Variants in HOOK2 observed in about 807,000 individuals in gnomAD.
HOOK2 encodes the protein hook microtubule tethering protein 2, also known as protein Hook homolog 2.
A neutral mutation model predicts 111.9 loss-of-function variants in HOOK2; 108 were observed. That is an observed-to-expected ratio of 0.96 (90% confidence interval 0.83 to 1.13). The LOEUF is 1.13. HOOK2 is among the 50% of genes most tolerant of loss of function. The pLI is 0.00. For synonymous variants in HOOK2, 405 were observed against 394.3 expected (o/e 1.03, Z -0.32); for missense variants, 978 against 951.3 (o/e 1.03, Z -0.37).
chr19:12,772,260 G>A lies in HOOK2; in HGVS notation c.457-8C>T, dbSNP rs1415529422. 8 of 1,613,640 alleles carry A rather than the reference G, an allele frequency of 5.0e-6. No homozygotes were observed. The Admixed American group carries it at 1.2e-4, about 24-fold the overall frequency. ...AGTGTCTTTGGTCATGAGCTGAGGA[G>A]TGGGAAGGGGCATTGTAATGAACTG... On this transcript the variant is annotated splice_region_variant and splice_polypyrimidine_tract_variant and intron_variant, in intron 6 of 22. Coordinates refer to ENST00000397668, the MANE Select transcript of HOOK2 (RefSeq NM_013312.3).
chr19:12,780,470 C>A (rs577899163), upstream of HOOK2, among the ~76,000 whole-genome samples: 1 of 151,396 alleles, frequency 6.6e-6, no homozygotes, highest in Admixed American at 6.6e-5. Context: ...CATTCTCCTG[C>A]CTCAGCCTCC....
Position 12,787,963 on chromosome 19 carries a change from G to A in HOOK2, n.42-13738C>T, listed in dbSNP as rs545834336. On this transcript the variant is annotated intron_variant and non_coding_transcript_variant, in intron 3 of 3. Coordinates refer to the HOOK2 transcript ENST00000589765. ...CCAGCTACTCAGGAGGCTGAGGCAG[G>A]AGAATCGCTTGAACCCAGGAGGCGG... Among the ~76,000 whole-genome samples the A allele has an allele frequency of 2.0e-5, 3 of 152,008 alleles. No homozygotes were observed. The East Asian group carries it at 5.8e-4, about 30-fold the overall frequency.
intron 14 of HOOK2, 135 bp from the exon 15 acceptor site, chr19:12,766,375 G>A (rs1599476769): frequency 4.5e-6 from 5 of 1,122,768 alleles, no homozygotes; most frequent in East Asian, 2.7e-5. Flanking sequence ...TTGGAGCACC[G>A]AGGACCTACT....
In HOOK2 at chr19:12,790,565, C is replaced by T. The variant is rs1387349492; in HGVS notation, n.42-16340G>A. On this transcript the variant is annotated intron_variant and non_coding_transcript_variant, in intron 3 of 3. Transcript: ENST00000589765. The surrounding 1 kb of genome is among the most constrained non-coding windows in gnomAD (Gnocchi z 7.2). Reference sequence around the variant, plus strand: ...TGGAAGATCCAGCAGTCCTGGTGCGCGGGACCCTCAAGGCCCCCTCCTCAC... The same window carrying T: ...TGGAAGATCCAGCAGTCCTGGTGCGTGGGACCCTCAAGGCCCCCTCCTCAC... Among the ~76,000 whole-genome samples, 3 of 152,140 alleles carry T rather than the reference C, an allele frequency of 2.0e-5. No homozygotes were observed. Among genetic ancestry groups the T allele is most frequent in the Non-Finnish European group, 4.4e-5 (3 of 68,018 alleles).
chr19:12,774,984 A>C (rs1599506935), intron 1 of HOOK2, 87 bp from the exon 2 acceptor site: 1 of 1,324,530 alleles, frequency 7.5e-7, no homozygotes. Context: ...CAGTCAGCGA[A>C]CCTCACATGG....
At position 12,770,979 on chromosome 19, in the gene HOOK2, G is replaced by A. The variant is rs1362513351; in HGVS notation, c.855C>T (p.Ser285=). 1.2e-6 allele frequency: 2 copies of A among 1,611,394 alleles called. No individual in the cohort carries two copies. The highest frequency in any genetic ancestry group is 1.7e-5 in the Admixed American group (1 of 59,962). The change falls in exon 10 of 23, where the codon AGC becomes AGT. Residue 285 remains serine (S), a synonymous_variant. Coordinates refer to ENST00000397668, the MANE Select transcript of HOOK2 (RefSeq NM_013312.3). ...ELQHRNQALT[S]LAQEAQALKD... is the part of the protein sequence containing the mutation. Reference sequence around the variant, plus strand: ...TCAGGGCCTGTGCCTCCTGGGCCAGGCTAGTCAGCGCCTGGTTCCGGTGCT... The same window carrying A: ...TCAGGGCCTGTGCCTCCTGGGCCAGACTAGTCAGCGCCTGGTTCCGGTGCT...
chr19:12,783,506 T>TC (rs1231086315), intron 3 of HOOK2, among the ~76,000 whole-genome samples: 1 of 151,792 alleles, frequency 6.6e-6, no homozygotes. Context: ...GGCGCCCCCC[T>TC]CGAGCCTGGC....
At chr19:12,774,986 C>T (rs1968452935) in intron 1 of HOOK2, 89 bp from the exon 2 acceptor site, 3 of 1,315,106 alleles carry the variant, frequency 2.3e-6, no homozygotes, top group Non-Finnish European at 2.1e-6. Flanking sequence ...GTCAGCGAAC[C>T]TCACATGGTG....
At chr19:12,775,765 C>T (rs910653149), upstream of HOOK2, 3 of 312,826 alleles carry the variant, frequency 9.6e-6, no homozygotes, top group East Asian at 1.1e-4. Context: ...CCCATCCTCG[C>T]CCTGGCCCTT....
intron 3 of HOOK2, 24 bp downstream of exon 3, chr19:12,774,645 T>C: frequency 6.2e-7 from 1 of 1,613,008 alleles, no homozygotes; most frequent in East Asian, 2.2e-5. Context: ...CAGTCTGTCC[T>C]CTAATCAGGA....
intron 18 of HOOK2, 35 bp from the exon 19 acceptor site, chr19:12,765,116 T>C (rs1403152295): frequency 1.2e-6 from 2 of 1,607,926 alleles, no homozygotes; most frequent in African/African-American, 2.7e-5. Flanking sequence ...TGGGCTGACC[T>C]CCGGGCTGGC....
rs781257277 is a variant in HOOK2, at chr19:12,791,938, G to C, written n.42-17713C>G. On this transcript the variant is annotated intron_variant and non_coding_transcript_variant, in intron 3 of 3. Transcript: ENST00000589765. The surrounding 1 kb of genome is among the most constrained non-coding windows in gnomAD (Gnocchi z 7.0). ...CGGAGTCTCAAAGCGCCTGGGGCTCGCGGACCCGGCCCAGAGGGCGGCGGT... is the reference window on the plus strand; with the variant it reads ...CGGAGTCTCAAAGCGCCTGGGGCTCCCGGACCCGGCCCAGAGGGCGGCGGT... The C allele has an allele frequency of 6.2e-7, 1 of 1,608,612 alleles. No individual in the cohort carries two copies. The highest frequency in any genetic ancestry group is 8.5e-7 in the Non-Finnish European group (1 of 1,178,610).
In HOOK2 at chr19:12,775,486, C is replaced by G. The variant is rs1158921066; in HGVS notation, c.-37G>C. The stretch of plus-strand genomic sequence containing the variant: ...GGATTCAATCCAGGCCACGGAGCCC[C>G]GGCGCCGCAGCAGCCTCCGGGTCCG... On this transcript the variant is annotated 5_prime_UTR_variant, in exon 1 of 23. Coordinates refer to ENST00000397668, the MANE Select transcript of HOOK2 (RefSeq NM_013312.3). 6.3e-7 allele frequency: 1 copy of G among 1,594,288 alleles called. No homozygotes were observed. The highest frequency in any genetic ancestry group is 8.5e-7 in the Non-Finnish European group (1 of 1,172,542).
chr19:12,766,108 C>T lies in HOOK2; in HGVS notation c.1506G>A (p.Gln502=), dbSNP rs775456932. Residue 502 remains glutamine (Q), a synonymous_variant, in exon 15 of 23, where the codon CAG becomes CAA. Transcript: ENST00000397668. ...GTAGGTCCCCAGGCGCTCACCGGTGCTGCGTCTCCAACCCGTGGCGCGCGC... is the reference window on the plus strand; with the variant it reads ...GTAGGTCCCCAGGCGCTCACCGGTGTTGCGTCTCCAACCCGTGGCGCGCGC... ...ANRARHGLET[Q]HRLNQQQLSE... The T allele has an allele frequency of 2.5e-6, 4 of 1,602,092 alleles. No homozygotes were observed. The African/African-American group carries it at 4.0e-5, about 16-fold the overall frequency.
upstream of HOOK2, among the ~76,000 whole-genome samples, chr19:12,782,933 C>T (rs957996276): frequency 1.3e-5 from 2 of 151,392 alleles, no homozygotes; most frequent in African/African-American, 4.8e-5. Context: ...CGTAGCCAGG[C>T]GCGTGTTTCC....
chr19:12,771,112 TC>T, intron 9 of HOOK2, 40 bp from the exon 10 acceptor site: 1 of 1,610,824 alleles, frequency 6.2e-7, no homozygotes, highest in Non-Finnish European at 8.5e-7. Flanking sequence ...GGGGCTGCCC[TC>T]CCCCGGTCCC....
At chr19:12,779,490 G>C (rs750156366), upstream of HOOK2, among the ~76,000 whole-genome samples, 2 of 152,200 alleles carry the variant, frequency 1.3e-5, no homozygotes, top group African/African-American at 4.8e-5. Context: ...CCCTGTGTCT[G>C]TGTGTGTCTG....
In HOOK2 at chr19:12,765,684, A is replaced by T; in HGVS notation, c.1640+6T>A. On this transcript the variant is annotated splice_donor_region_variant and intron_variant, in intron 18 of 22. Transcript: ENST00000397668. ...CCACGAGGAGTTCCCTCTTTCTGCG[A>T]CTTACAAATGTTCCTCCAGCTTCCT... is the stretch of plus-strand genomic sequence containing the variant. 1 of 1,614,136 alleles carries T rather than the reference A, an allele frequency of 6.2e-7. No individual in the cohort carries two copies. Among genetic ancestry groups the T allele is most frequent in the Non-Finnish European group, 8.5e-7 (1 of 1,180,022 alleles).
intron 19 of HOOK2, 36 bp downstream of exon 19, chr19:12,764,963 G>A (rs1968105107): frequency 1.2e-6 from 2 of 1,613,978 alleles, no homozygotes; most frequent in Non-Finnish European, 1.7e-6. Context: ...TGGGCTCTGG[G>A]ATCTCCCCAC....
Sources: allele counts gnomAD v4.1 joint callset (sites outside exome capture counted in the v4.1 genomes callset), GRCh38; gene constraint gnomAD v4.1.1; non-coding constraint Gnocchi (gnomAD v3.1); transcripts MANE v1.5; gene names NCBI Gene and HGNC (gene_info 2026-07-23, HGNC 2026-07-21).